IFRD1: variants seen among roughly 807,000 people sequenced by gnomAD.
IFRD1 encodes the protein interferon related developmental regulator 1, also known as interferon-related developmental regulator 1.
A neutral mutation model predicts 52.9 loss-of-function variants in IFRD1; 35 were observed. That is an observed-to-expected ratio of 0.66 (90% CI 0.51 to 0.88). The LOEUF is 0.88. Among genes scored for constraint, IFRD1 ranks in the 40% least tolerant of loss-of-function variants. IFRD1 has a pLI of 0.00. For missense variants in IFRD1, 517 were observed against 550.8 expected (o/e 0.94, Z 0.61); for synonymous variants, 184 against 188.4 (o/e 0.98, Z 0.19).
At chr7:112,426,957 T>C (rs992001093) in intron 1 of IFRD1, among the ~76,000 whole-genome samples, 4 of 152,256 alleles carry the variant, frequency 2.6e-5, no homozygotes, top group African/African-American at 7.2e-5. Context: ...GTACATCTTA[T>C]ATACGTTGAT....
intron 1 of IFRD1, among the ~76,000 whole-genome samples, chr7:112,451,864 C>T (rs1436120937): frequency 1.3e-5 from 2 of 152,086 alleles, no homozygotes; most frequent in Admixed American, 1.3e-4. Context: ...GCCCCTCTGC[C>T]ACGGCTGCCA....
intron 9 of IFRD1, among the ~76,000 whole-genome samples, chr7:112,469,694 C>T (rs939328955): frequency 1.9e-4 from 29 of 152,134 alleles, no homozygotes; most frequent in Non-Finnish European, 2.6e-4. Context: ...GCCCTCAAAC[C>T]GGGCCAGCCA....
intron 8 of IFRD1, among the ~76,000 whole-genome samples, chr7:112,465,832 T>A (rs3807211): frequency 0.06 from 9,165 of 152,234 alleles, 296 homozygotes; most frequent in South Asian, 0.095. Context: ...AGATTTTTTT[T>A]AAAAAGGTGA....
At chr7:112,473,604 T>C (rs1021481519) in intron 11 of IFRD1, among the ~76,000 whole-genome samples, 1 of 152,176 alleles carries the variant, frequency 6.6e-6, no homozygotes, top group Middle Eastern at 3.4e-3. Flanking sequence ...TTTGTATTTT[T>C]AGTAGAGACA....
chr7:112,456,544 T>G (rs923610779), intron 3 of IFRD1, among the ~76,000 whole-genome samples: 1 of 152,074 alleles, frequency 6.6e-6, no homozygotes, highest in African/African-American at 2.4e-5. Context: ...TAAAAAGCCC[T>G]GAAGATGCAA....
chr7:112,472,243 A>G lies in IFRD1; in HGVS notation c.1066A>G (p.Ile356Val), dbSNP rs1795768928. ...GGAACGGGATTTTCCAACAGAAACCATTAAATTTGGTCCTGAACGCATGTA... is the reference window on the plus strand; with the variant it reads ...GGAACGGGATTTTCCAACAGAAACCGTTAAATTTGGTCCTGAACGCATGTA... ...VEERDFPTET[I>V]KFGPERMYID... Residue 356 changes from isoleucine to valine, a missense_variant, in exon 10 of 12, where the codon ATT (isoleucine) becomes GTT (valine). Transcript: ENST00000403825. 1.2e-6 allele frequency: 2 copies of G among 1,614,052 alleles called. No homozygotes were observed. The highest frequency in any genetic ancestry group is 8.5e-7 in the Non-Finnish European group (1 of 1,179,940).
chr7:112,424,997 G>GGTTTT (rs201522106), intron 1 of IFRD1, among the ~76,000 whole-genome samples: 3 of 152,026 alleles, frequency 2.0e-5, no homozygotes, highest in Admixed American at 6.6e-5. Context: ...GTGATTGTCA[G>GGTTTT]GTTTTGTTTT....
chr7:112,463,821 T>TATATAC (rs1228274452), intron 8 of IFRD1, among the ~76,000 whole-genome samples: 1 of 127,090 alleles, frequency 7.9e-6, no homozygotes, highest in Non-Finnish European at 1.7e-5. Flanking sequence ...TACATACATG[T>TATATAC]ATATACATAT....
At chr7:112,430,288 C>G (rs1794520523) in intron 1 of IFRD1, among the ~76,000 whole-genome samples, 1 of 152,204 alleles carries the variant, frequency 6.6e-6, no homozygotes, top group Non-Finnish European at 1.5e-5. Flanking sequence ...CCCAAGCCTC[C>G]TGATTGTTGT....
chr7:112,472,425 AAATT>A lies in IFRD1; in HGVS notation c.1170+84_1170+87del. 6.7e-6 allele frequency: 10 copies of A among 1,502,032 alleles called. No individual in the cohort carries two copies. In the East Asian group the frequency reaches 1.1e-4, roughly 17 times the overall value. The allele number at this position is 1,502,032 out of a possible 1,614,324, so 93.0% of individuals were successfully genotyped here. On this transcript the variant is annotated intron_variant, in intron 10 of 11. Coordinates refer to ENST00000403825, the MANE Select transcript of IFRD1 (RefSeq NM_001550.4). The stretch of plus-strand genomic sequence containing the variant: ...ATATAGCTCACTTAATTGGCTTTTG[AAATT>A]AATTAGGTATCCAGAGTGCTTCCAC...
chr7:112,440,268 A>G lies in IFRD1; in HGVS notation c.-181-10240A>G, dbSNP rs555624866. ...CCAAAATGCTGGGATTACAGGTGTG[A>G]GCCACGGCACTCGGTCACAAAAGCC... On this transcript the variant is annotated intron_variant, in intron 1 of 12. Transcript: ENST00000005558. 5.8e-4 allele frequency among the ~76,000 whole-genome samples: 88 copies of G among 152,314 alleles called. 1 individual carries two copies. Among genetic ancestry groups the G allele is most frequent in the Non-Finnish European group, 8.1e-4 (55 of 68,020 alleles).
At chr7:112,474,854 T>C (rs1385663715) in intron 11 of IFRD1, among the ~76,000 whole-genome samples, 1 of 150,660 alleles carries the variant, frequency 6.6e-6, no homozygotes, top group Non-Finnish European at 1.5e-5. Flanking sequence ...GATGAAACAA[T>C]GTTGATGTCC....
intron 1 of IFRD1, among the ~76,000 whole-genome samples, chr7:112,428,398 C>G (rs890367481): frequency 1.3e-5 from 2 of 151,968 alleles, no homozygotes; most frequent in African/African-American, 4.8e-5. Context: ...AAACAGGGAA[C>G]GAGTTTGGAA....
rs143587801 is a variant in IFRD1 at position 112,471,108 on chromosome 7, A to G, written c.1042-1111A>G. Among the ~76,000 whole-genome samples the G allele has an allele frequency of 4.9e-4, 74 of 152,342 alleles. No homozygotes were observed. The East Asian group carries it at 0.011, about 22-fold the overall frequency. ...TTGGTGCCTTAATGTTTTCTGAATT[A>G]AAGAAGATTGAAATAAGATAACTCT... On this transcript the variant is annotated intron_variant, in intron 9 of 11. Transcript: ENST00000403825.
chr7:112,431,598 T>G (rs1457788786), intron 1 of IFRD1, among the ~76,000 whole-genome samples: 1 of 152,146 alleles, frequency 6.6e-6, no homozygotes, highest in Admixed American at 6.5e-5. Flanking sequence ...ATTGCAATAC[T>G]GGGAGGGAAA....
At chr7:112,426,824 C>G (rs1003738582) in intron 1 of IFRD1, among the ~76,000 whole-genome samples, 1 of 152,190 alleles carries the variant, frequency 6.6e-6, no homozygotes, top group African/African-American at 2.4e-5. Flanking sequence ...CTTATTGTAA[C>G]CCAGTCATTT....
intron 1 of IFRD1, among the ~76,000 whole-genome samples, chr7:112,453,705 G>A (rs1459990206): frequency 6.6e-6 from 1 of 152,128 alleles, no homozygotes; most frequent in Non-Finnish European, 1.5e-5. Flanking sequence ...GTTTATTCCT[G>A]TCCTAAGCAC....
intron 1 of IFRD1, among the ~76,000 whole-genome samples, chr7:112,445,062 C>CTTTTTT (rs3057810): frequency 1.9e-5 from 2 of 102,676 alleles, no homozygotes; most frequent in African/African-American, 3.6e-5. Flanking sequence ...CCTAGGCTTT[C>CTTTTTT]TTTTTTTTTT....
At chr7:112,442,754 CTT>C (rs1224739801) in intron 1 of IFRD1, among the ~76,000 whole-genome samples, 1 of 152,152 alleles carries the variant, frequency 6.6e-6, no homozygotes, top group Non-Finnish European at 1.5e-5. Flanking sequence ...TCAGTCATCT[CTT>C]TGTTCTCATG....
Sources: gnomAD v4.1 joint callset for allele counts (sites outside exome capture counted in the v4.1 genomes callset) on GRCh38, gnomAD v4.1.1 for gene constraint, MANE v1.5 for transcripts, NCBI Gene and HGNC (gene_info 2026-07-23, HGNC 2026-07-21) for gene names.